The following KDM3B variants were observed in gnomAD, a reference collection of about 807,000 sequenced individuals.
The protein encoded by KDM3B is lysine demethylase 3B, also known as lysine-specific demethylase 3B.
A neutral mutation model predicts 170.0 loss-of-function variants in KDM3B; 10 were observed. The observed-to-expected ratio is 0.06, with a 90% CI of 0.04 to 0.10. The LOEUF is 0.10. Ranked by LOEUF, KDM3B falls within the 10% of genes least tolerant of loss-of-function variation. The probability of loss-of-function intolerance (pLI) is 1.00; values close to 1 mark genes in which losing one functional copy is unlikely to be tolerated. For missense variants in KDM3B, 1,394 were observed against 2,195.2 expected, an observed-to-expected ratio of 0.64 and a Z score of 7.29; for synonymous variants, 831 against 834.8, an observed-to-expected ratio of 1.00 and a Z score of 0.08.
intron 22 of KDM3B, 135 bp downstream of exon 22, chr5:138,430,560 T>C: frequency 2.4e-6 from 2 of 846,994 alleles, no homozygotes; most frequent in Non-Finnish European, 3.6e-6. Context: ...TTTTATGCTT[T>C]TATTTTCTTC....
In KDM3B at chr5:138,419,126, T is replaced by C. The variant is rs767683045; in HGVS notation, c.3609T>C (p.Ser1203=). 1 of 1,614,196 alleles carries C rather than the reference T, an allele frequency of 6.2e-7. No homozygotes were observed. The highest frequency in any genetic ancestry group is 8.5e-7 in the Non-Finnish European group (1 of 1,180,032). The part of the protein sequence containing the change: ...KTDSSASNSN[S]ELKAIRPPCP... ...ACAGTTCGGCATCAAATAGCAATAG[T>C]GAACTGAAAGCCATCAGGCCTCCTT... The change falls in exon 14 of 24, where the codon AGT becomes AGC. Residue 1203 remains serine, a synonymous_variant. Transcript: ENST00000314358.
Position 138,383,016 on chromosome 5 carries a change from C to T in KDM3B, c.780+1426C>T, listed in dbSNP as rs140482863. Among the ~76,000 whole-genome samples, 661 of 152,230 alleles carry T rather than the reference C, an allele frequency of 4.3e-3. 3 individuals carry two copies. The highest frequency in any genetic ancestry group is 0.013 in the African/African-American group (520 of 41,542). The stretch of plus-strand genomic sequence containing the variant: ...CTCAATGTTGTAGGCTGCTTACTCA[C>T]GTATGAGTAGCTCACTGTAAGTAGG... On this transcript the variant is annotated intron_variant, in intron 6 of 23. Coordinates refer to ENST00000314358, the MANE Select transcript of KDM3B (RefSeq NM_016604.4).
chr5:138,407,599 G>A (rs1020579379), intron 11 of KDM3B, among the ~76,000 whole-genome samples: 6 of 152,088 alleles, frequency 3.9e-5, no homozygotes, highest in African/African-American at 1.2e-4. Context: ...TGGGGACCTC[G>A]TCCCAGATAT....
At chr5:138,387,899 G>GGCT (rs1412850324) in intron 7 of KDM3B, among the ~76,000 whole-genome samples, 1 of 152,100 alleles carries the variant, frequency 6.6e-6, no homozygotes, top group African/African-American at 2.4e-5. Flanking sequence ...GGCTAACACG[G>GGCT]TGAAACCCCA....
intron 7 of KDM3B, among the ~76,000 whole-genome samples, chr5:138,387,900 TGAA>T (rs1561770732): frequency 6.6e-6 from 1 of 151,958 alleles, no homozygotes; most frequent in African/African-American, 2.4e-5. Context: ...GCTAACACGG[TGAA>T]ACCCCATCTC....
chr5:138,375,403 A>T, intron 3 of KDM3B, among the ~76,000 whole-genome samples, 197 bp downstream of exon 3: 1 of 151,078 alleles, frequency 6.6e-6, no homozygotes, highest in African/African-American at 2.4e-5. Flanking sequence ...TTTGAGACAG[A>T]GTCTCGATAT....
chr5:138,386,194 A>G lies in KDM3B; in HGVS notation c.953A>G (p.Glu318Gly). 2 of 1,614,148 alleles carry G rather than the reference A, an allele frequency of 1.2e-6. No individual in the cohort carries two copies. The highest frequency in any genetic ancestry group is 1.7e-6 in the Non-Finnish European group (2 of 1,180,020). ...EVDSNGSDGG[E>G]ASRGPWKGGN... ...GACAGTAATGGGAGCGATGGAGGTG[A>G]GGCAAGCCGAGGGCCCTGGAAAGGA... The change falls in exon 7 of 24, where the codon GAG becomes GGG. Residue 318 changes from glutamate to glycine, a missense_variant. Around this residue, in one of 19 missense-constraint regions of KDM3B, gnomAD observed 205 missense variants for 227.6 expected, o/e 0.90. Transcript: ENST00000314358.
At chr5:138,388,193 G>A (rs1363663312) in intron 7 of KDM3B, among the ~76,000 whole-genome samples, 1 of 152,210 alleles carries the variant, frequency 6.6e-6, no homozygotes, top group Non-Finnish European at 1.5e-5. Context: ...ATTGAATGCT[G>A]CTACTCTTAG....
At chr5:138,405,304 G>A (rs1051081013) in intron 11 of KDM3B, among the ~76,000 whole-genome samples, 1 of 151,320 alleles carries the variant, frequency 6.6e-6, no homozygotes, top group Non-Finnish European at 1.5e-5. Context: ...GCCTCCCAAA[G>A]TGCTGGGATT....
rs1250911584 is a variant in KDM3B, at chr5:138,415,151, TGAA to T, written c.3224_3226del (p.Glu1075del). 3 of 1,606,234 alleles carry T rather than the reference TGAA, an allele frequency of 1.9e-6. No individual in the cohort carries two copies. Among genetic ancestry groups the T allele is most frequent in the Non-Finnish European group, 1.7e-6 (2 of 1,174,208 alleles). On this transcript the variant is annotated inframe_deletion, in exon 12 of 24. Transcript: ENST00000314358. ...TTTCAGAGACAGAAGAGATGGGTGA[TGAA>T]GAAGTTTTCTCCTGGTTGAAGTGTG...
chr5:138,391,082 A>C lies in KDM3B; in HGVS notation c.1450A>C (p.Thr484Pro). ...APLPSSSQPL[T>P]FGSGRSQSNG... ...TCTCCCTAGTTCATCGCAACCTTTG[A>C]CTTTTGGAAGTGGAAGGAGCCAGTC... Residue 484 changes from threonine to proline, a missense_variant, in exon 8 of 24, where the codon ACT (threonine) becomes CCT (proline). By Grantham distance (38) the Thr-to-Pro change is conservative. Coordinates refer to ENST00000314358, the MANE Select transcript of KDM3B (RefSeq NM_016604.4). The surrounding 1 kb of genome is among the most constrained non-coding windows in gnomAD (Gnocchi z 5.0). 1 of 1,611,684 alleles carries C rather than the reference A, an allele frequency of 6.2e-7. No homozygotes were observed. Among genetic ancestry groups the C allele is most frequent in the Non-Finnish European group, 8.5e-7 (1 of 1,178,912 alleles).
intron 11 of KDM3B, among the ~76,000 whole-genome samples, chr5:138,400,230 T>G (rs771846838): frequency 6.6e-6 from 1 of 151,972 alleles, no homozygotes; most frequent in African/African-American, 2.4e-5. Context: ...TTCCTTGGTT[T>G]TTTTTTTGTT....
At chr5:138,374,055 A>C (rs1761937402) in intron 2 of KDM3B, among the ~76,000 whole-genome samples, 1 of 151,660 alleles carries the variant, frequency 6.6e-6, no homozygotes, top group Non-Finnish European at 1.5e-5. Flanking sequence ...GTGCAGTGGC[A>C]CGATCTAGGC....
At chr5:138,366,464 G>C (rs1761747863) in intron 1 of KDM3B, among the ~76,000 whole-genome samples, 1 of 152,054 alleles carries the variant, frequency 6.6e-6, no homozygotes, top group Non-Finnish European at 1.5e-5. Flanking sequence ...CCAAGTAGCT[G>C]AGACTTATAG....
intron 7 of KDM3B, among the ~76,000 whole-genome samples, chr5:138,389,742 C>A (rs1168678518): frequency 6.6e-6 from 1 of 151,402 alleles, no homozygotes; most frequent in Non-Finnish European, 1.5e-5. Flanking sequence ...AGTTTGGGCT[C>A]ATACCTACCT....
chr5:138,362,074 C>T (rs1210731394), intron 1 of KDM3B, among the ~76,000 whole-genome samples: 1 of 152,104 alleles, frequency 6.6e-6, no homozygotes. Context: ...AATCCCAGCA[C>T]TTTGGGAGGC....
At position 138,426,960 on chromosome 5, in the gene KDM3B, TTC is replaced by T. The variant is rs1240958576; in HGVS notation, c.4412-11_4412-10del. ...AAACCAGCAGATGTTTGTGGGAGTA[TTC>T]TCTGTCTTCCAGAACGACTACGGTC... On this transcript the variant is annotated splice_polypyrimidine_tract_variant and intron_variant, in intron 17 of 23. Transcript: ENST00000314358. 5.6e-6 allele frequency: 9 copies of T among 1,606,110 alleles called. No homozygotes were observed. In the Admixed American group the frequency reaches 1.3e-4, roughly 24 times the overall value.
At chr5:138,353,251 G>T (rs1247165864) in intron 1 of KDM3B, among the ~76,000 whole-genome samples, 1 of 152,224 alleles carries the variant, frequency 6.6e-6, no homozygotes, top group African/African-American at 2.4e-5. Context: ...CCGCCTCCTG[G>T]GCGACCCTTT....
At chr5:138,406,363 G>A (rs947734332) in intron 11 of KDM3B, among the ~76,000 whole-genome samples, 4 of 152,060 alleles carry the variant, frequency 2.6e-5, no homozygotes, top group African/African-American at 7.2e-5. Context: ...AAAAGTTAAG[G>A]TCAGGCACAG....
Sources: gnomAD v4.1 joint callset for allele counts (sites outside exome capture counted in the v4.1 genomes callset) on GRCh38, gnomAD v4.1.1 for gene constraint, gnomAD v4.1.1 regional missense constraint, Gnocchi (gnomAD v3.1) non-coding constraint, MANE v1.5 for transcripts, NCBI Gene and HGNC (gene_info 2026-07-23, HGNC 2026-07-21) for gene names.